Variants in NKAIN3 observed in about 807,000 individuals in gnomAD.
NKAIN3 encodes sodium/potassium-transporting ATPase subunit beta-1-interacting protein 3.
In NKAIN3, 25 loss-of-function variants were observed where a neutral mutation model predicts 30.2. The ratio of observed to expected loss-of-function variants is 0.83; its 90% CI spans 0.60 to 1.16. The LOEUF (loss-of-function observed/expected upper bound fraction) is 1.16, where lower values mean the gene tolerates loss of function less well. Among genes scored for constraint, NKAIN3 ranks in the 50% most tolerant of loss-of-function variants. The pLI is 0.00. For synonymous variants in NKAIN3, 91 were observed against 89.6 expected, an observed-to-expected ratio of 1.02 and a Z score of -0.09; for missense variants, 225 against 254.1, an observed-to-expected ratio of 0.89 and a Z score of 0.78.
chr8:62,587,606 T>C (rs993685601), intron 2 of NKAIN3, among the ~76,000 whole-genome samples: 1 of 151,970 alleles, frequency 6.6e-6, no homozygotes, highest in African/African-American at 2.4e-5. Flanking sequence ...GCATCCCAGC[T>C]CTGAAATCAA....
chr8:62,672,940 A>G (rs1312718495), intron 3 of NKAIN3, among the ~76,000 whole-genome samples: 1 of 152,224 alleles, frequency 6.6e-6, no homozygotes, highest in East Asian at 1.9e-4. Flanking sequence ...ATGTAAATGG[A>G]AGTAATACCT....
intron 1 of NKAIN3, among the ~76,000 whole-genome samples, chr8:62,421,215 C>G (rs10104622): frequency 6.6e-6 from 1 of 152,126 alleles, no homozygotes; most frequent in Non-Finnish European, 1.5e-5. Context: ...CTCCTGTGCC[C>G]GTTGGTACTA....
At chr8:62,897,036 A>T (rs1009306611) in intron 4 of NKAIN3, among the ~76,000 whole-genome samples, 1 of 58,532 alleles carries the variant, frequency 1.7e-5, no homozygotes, top group African/African-American at 1.4e-4. Context: ...AGAACTACAC[A>T]TTTTTGAAGC....
chr8:62,866,598 T>G (rs1158492224), intron 4 of NKAIN3, among the ~76,000 whole-genome samples: 1 of 152,186 alleles, frequency 6.6e-6, no homozygotes, highest in Non-Finnish European at 1.5e-5. Context: ...GGATTCAATG[T>G]CTTTTTACTT....
At chr8:62,833,805 C>CT (rs1331379547) in intron 4 of NKAIN3, among the ~76,000 whole-genome samples, 1 of 151,874 alleles carries the variant, frequency 6.6e-6, no homozygotes, top group Non-Finnish European at 1.5e-5. Context: ...GGGGGAGGGA[C>CT]TCCTCCCTAA....
downstream of NKAIN3, among the ~76,000 whole-genome samples, chr8:62,989,265 TG>T (rs1265690346): frequency 6.6e-6 from 1 of 152,224 alleles, no homozygotes; most frequent in Non-Finnish European, 1.5e-5. Context: ...CACCACCATC[TG>T]GTACCAATTT....
At chr8:62,753,664 T>C (rs1816357445) in intron 4 of NKAIN3, among the ~76,000 whole-genome samples, 1 of 152,152 alleles carries the variant, frequency 6.6e-6, no homozygotes, top group Admixed American at 6.5e-5. Flanking sequence ...GTAAAGATAA[T>C]GTTAAATAGA....
intron 1 of NKAIN3, among the ~76,000 whole-genome samples, chr8:62,502,640 T>G (rs1259700064): frequency 1.3e-5 from 2 of 152,178 alleles, no homozygotes; most frequent in Non-Finnish European, 2.9e-5. Context: ...TGTCCCTATG[T>G]GTTCTCCCTG....
chr8:62,521,827 T>C (rs1159362916), intron 1 of NKAIN3, among the ~76,000 whole-genome samples: 6 of 152,296 alleles, frequency 3.9e-5, no homozygotes, highest in Middle Eastern at 3.4e-3. Flanking sequence ...AATATCTTTT[T>C]TCCTGGATAA....
At chr8:62,996,973 G>A (rs1184347019) in intron 5 of NKAIN3, among the ~76,000 whole-genome samples, 1 of 152,142 alleles carries the variant, frequency 6.6e-6, no homozygotes, top group Non-Finnish European at 1.5e-5. Flanking sequence ...CAAGCTGTCG[G>A]TGGATCTACC....
intron 4 of NKAIN3, among the ~76,000 whole-genome samples, chr8:62,885,716 C>G (rs1180787328): frequency 1.3e-5 from 2 of 152,124 alleles, no homozygotes; most frequent in Non-Finnish European, 1.5e-5. Context: ...GAAGTGATCC[C>G]TTTGTGATTA....
intron 4 of NKAIN3, among the ~76,000 whole-genome samples, chr8:62,758,419 A>G (rs957570807): frequency 1.3e-5 from 2 of 152,200 alleles, no homozygotes; most frequent in Non-Finnish European, 2.9e-5. Context: ...TTTGAGGAAT[A>G]TGGGTGAAGG....
chr8:62,723,505 T>C (rs1355382816), intron 3 of NKAIN3, among the ~76,000 whole-genome samples: 2 of 152,130 alleles, frequency 1.3e-5, no homozygotes, highest in South Asian at 4.1e-4. Context: ...AACTATTGAT[T>C]AACACAAAGC....
At chr8:62,850,821 GT>G (rs1177189008) in intron 4 of NKAIN3, among the ~76,000 whole-genome samples, 6 of 152,248 alleles carry the variant, frequency 3.9e-5, no homozygotes, top group Admixed American at 3.9e-4. Context: ...CTATATCTCT[GT>G]TTTGGTACCA....
intron 1 of NKAIN3, among the ~76,000 whole-genome samples, chr8:62,479,591 G>A (rs757121758): frequency 1.1e-4 from 17 of 152,302 alleles, no homozygotes; most frequent in East Asian, 1.9e-4. Flanking sequence ...TAAAAGATCA[G>A]TTTTGGTTTC....
At position 62,904,418 on chromosome 8, in the gene NKAIN3, A is replaced by G. The variant is rs1404752697; in HGVS notation, c.472-14035A>G. ...ACTCTACTATCCTTTTTCTTTCCAC[A>G]TGTTTATACTTCATCCATCTGTTGA... is the stretch of plus-strand genomic sequence containing the variant. On this transcript the variant is annotated intron_variant, in intron 4 of 6. Coordinates refer to ENST00000623646, the MANE Select transcript of NKAIN3 (RefSeq NM_001304533.3). Among the ~76,000 whole-genome samples the G allele has an allele frequency of 3.9e-5, 6 of 152,186 alleles. 1 individual carries two copies. The highest frequency in any genetic ancestry group is 1.5e-5 in the Non-Finnish European group (1 of 68,030).
intron 1 of NKAIN3, among the ~76,000 whole-genome samples, chr8:62,339,534 T>C (rs1412690950): frequency 6.6e-6 from 1 of 151,978 alleles, no homozygotes; most frequent in African/African-American, 2.4e-5. Flanking sequence ...GTAAGTTAAA[T>C]TGAACATAGA....
At chr8:62,729,807 C>T (rs1025681216) in intron 3 of NKAIN3, among the ~76,000 whole-genome samples, 2 of 152,154 alleles carry the variant, frequency 1.3e-5, no homozygotes, top group Non-Finnish European at 1.5e-5. Context: ...TTTTGATAGA[C>T]ATTTAGATGG....
intron 3 of NKAIN3, among the ~76,000 whole-genome samples, chr8:62,730,757 T>C (rs1815439267): frequency 6.6e-6 from 1 of 152,230 alleles, no homozygotes; most frequent in African/African-American, 2.4e-5. Flanking sequence ...TATCTTGATA[T>C]ACAATTTCTT....
Sources: gnomAD v4.1 joint callset for allele counts (sites outside exome capture counted in the v4.1 genomes callset) on GRCh38, gnomAD v4.1.1 for gene constraint, MANE v1.5 for transcripts, NCBI Gene and HGNC (gene_info 2026-07-23, HGNC 2026-07-21) for gene names.